BRCC3: variants seen among roughly 807,000 people sequenced by gnomAD.
The protein encoded by BRCC3 is lys-63-specific deubiquitinase BRCC36.
Under a neutral mutation model 28.0 loss-of-function variants are expected in BRCC3, and 15 were observed. That is an observed-to-expected ratio of 0.54 (90% confidence interval 0.36 to 0.82). BRCC3 has a LOEUF of 0.82. Among genes scored for constraint, BRCC3 ranks in the 40% least tolerant of loss-of-function variants. BRCC3 has a pLI of 0.01. For missense variants in BRCC3, 109 were observed against 225.9 expected (o/e 0.48, Z 3.32); for synonymous variants, 66 against 80.3 (o/e 0.82, Z 0.95).
intron 7 of BRCC3, among the ~76,000 whole-genome samples, chrX:155,114,576 A>C (rs1004958238): frequency 9.1e-6 from 1 of 109,977 alleles, no homozygotes; most frequent in Non-Finnish European, 1.9e-5. Flanking sequence ...TTATTTTTTT[A>C]ACCACAATTA....
At chrX:155,072,176 A>G (rs1018350022) in intron 1 of BRCC3, 151 bp from the exon 2 acceptor site, 2 of 486,185 alleles carry the variant, frequency 4.1e-6, no homozygotes, top group Non-Finnish European at 7.1e-6. Flanking sequence ...GGATGAGGAA[A>G]TACAGTTTAG....
At chrX:155,088,233 G>A in intron 5 of BRCC3, among the ~76,000 whole-genome samples, 1 of 112,192 alleles carries the variant, frequency 8.9e-6, no homozygotes, top group Non-Finnish European at 1.9e-5. Context: ...GCCAAAATAA[G>A]TGAATGTAAG....
chrX:155,100,660 A>G (rs1208416198), intron 7 of BRCC3, among the ~76,000 whole-genome samples: 2 of 112,021 alleles, frequency 1.8e-5, no homozygotes, highest in African/African-American at 6.5e-5. Flanking sequence ...AATTTGTTCC[A>G]TTACTGGTGA....
chrX:155,084,914 G>T (rs2074111125), intron 5 of BRCC3, among the ~76,000 whole-genome samples: 1 of 111,935 alleles, frequency 8.9e-6, no homozygotes, highest in African/African-American at 3.3e-5. Context: ...AGGTGGCAGT[G>T]GGCCGTGACT....
Position 155,099,200 on chromosome X carries a change from T to A in BRCC3, c.548+8361T>A, listed in dbSNP as rs923633204. On this transcript the variant is annotated intron_variant, in intron 7 of 10. Transcript: ENST00000330045. ...AATTAGAAATGTTTTTTTTTTTTTT[T>A]TGTGGTAAAAGAAGTCTGGAGATGG... is the stretch of plus-strand genomic sequence containing the variant. 21 of 772,761 alleles carry A rather than the reference T, an allele frequency of 2.7e-5. No individual in the cohort carries two copies. In the African/African-American group the frequency reaches 4.3e-4, roughly 16 times the overall value. The allele number at this position is 772,761 out of a possible 1,213,427, so 63.7% of individuals were successfully genotyped here. A position where few individuals can be genotyped will look rare whatever the true frequency, so the allele number is the denominator to read the frequency against.
intron 3 of BRCC3, among the ~76,000 whole-genome samples, chrX:155,076,619 C>T (rs1167608303): frequency 1.8e-5 from 2 of 110,776 alleles, no homozygotes; most frequent in African/African-American, 6.6e-5. Context: ...AGAACTCACT[C>T]TCACACTATT....
intron 5 of BRCC3, among the ~76,000 whole-genome samples, chrX:155,082,834 C>T (rs2074093934): frequency 8.9e-6 from 1 of 112,406 alleles, no homozygotes; most frequent in Non-Finnish European, 1.9e-5. Context: ...ATACAGGATC[C>T]AATCTCAGAT....
rs782073501 is a variant in BRCC3, at chrX:155,100,841, G to A, written c.548+10002G>A. The stretch of plus-strand genomic sequence containing the variant: ...TATTTGGAAAAAAACTGCATACAGG[G>A]TGAACATGTACAGACTTTTTTCTAG... On this transcript the variant is annotated intron_variant, in intron 7 of 10. Transcript: ENST00000330045. Among the ~76,000 whole-genome samples, 12 of 111,609 alleles carry A rather than the reference G, an allele frequency of 1.1e-4. No individual in the cohort carries two copies. The East Asian group carries it at 2.5e-3, about 23-fold the overall frequency.
At chrX:155,087,137 T>C (rs1274441804) in intron 5 of BRCC3, among the ~76,000 whole-genome samples, 1 of 111,707 alleles carries the variant, frequency 9.0e-6, no homozygotes, top group Non-Finnish European at 1.9e-5. Flanking sequence ...CGGGCAGCGG[T>C]GGCTGGAGTG....
intron 7 of BRCC3, among the ~76,000 whole-genome samples, chrX:155,107,345 T>G (rs1211825958): frequency 9.0e-6 from 1 of 110,824 alleles, no homozygotes; most frequent in Non-Finnish European, 1.9e-5. Flanking sequence ...AGTTCTTTAA[T>G]TTTAGCACTC....
intron 6 of BRCC3, among the ~76,000 whole-genome samples, chrX:155,090,393 T>C (rs2074166470): frequency 8.9e-6 from 1 of 112,695 alleles, no homozygotes; most frequent in Non-Finnish European, 1.9e-5. Context: ...TAAAATCAGT[T>C]TTCCAGAAAC....
chrX:155,104,253 CTG>C (rs1280154700), intron 7 of BRCC3, among the ~76,000 whole-genome samples: 2 of 111,431 alleles, frequency 1.8e-5, no homozygotes, highest in African/African-American at 3.3e-5. Context: ...GATGCAGACA[CTG>C]TGAATTTTAC....
intron 7 of BRCC3, among the ~76,000 whole-genome samples, chrX:155,101,225 AGAT>A (rs1464249902): frequency 1.8e-5 from 2 of 111,533 alleles, no homozygotes; most frequent in Non-Finnish European, 3.8e-5. Context: ...AATAATCTAG[AGAT>A]GATAAGTCAT....
At chrX:155,118,055 C>T (rs782077646) in intron 9 of BRCC3, among the ~76,000 whole-genome samples, 1 of 112,301 alleles carries the variant, frequency 8.9e-6, no homozygotes, top group African/African-American at 3.2e-5. Context: ...AAATGTCATA[C>T]CAGTTCCTTT....
chrX:155,081,025 C>A (rs2074081157), intron 5 of BRCC3, among the ~76,000 whole-genome samples: 1 of 111,488 alleles, frequency 9.0e-6, no homozygotes, highest in Admixed American at 9.5e-5. Context: ...CATTTGAGAT[C>A]CTGAGATCTC....
intron 7 of BRCC3, among the ~76,000 whole-genome samples, chrX:155,093,955 T>G (rs1214389032): frequency 1.8e-5 from 2 of 111,739 alleles, no homozygotes; most frequent in African/African-American, 6.5e-5. Context: ...CATTTGCTGG[T>G]TACTCCCATT....
intron 5 of BRCC3, among the ~76,000 whole-genome samples, chrX:155,085,028 A>G (rs1183542286): frequency 1.8e-5 from 2 of 111,961 alleles, no homozygotes; most frequent in African/African-American, 6.5e-5. Context: ...TCAGATATAT[A>G]AGAACATTTC....
intron 8 of BRCC3, 67 bp from the exon 9 acceptor site, chrX:155,116,644 G>C (rs999922203): frequency 1.3e-6 from 1 of 770,964 alleles, no homozygotes. Context: ...CAACGGTATA[G>C]TCCATGACCA....
intron 7 of BRCC3, among the ~76,000 whole-genome samples, chrX:155,102,933 T>TTG (rs782223599): frequency 1.7e-4 from 19 of 110,893 alleles, no homozygotes; most frequent in Admixed American, 3.8e-4. Flanking sequence ...CACATAGTTT[T>TTG]TGTGTGTGTG....
Sources: gnomAD v4.1 joint callset for allele counts (sites outside exome capture counted in the v4.1 genomes callset) on GRCh38, gnomAD v4.1.1 for gene constraint, MANE v1.5 for transcripts, NCBI Gene and HGNC (gene_info 2026-07-23, HGNC 2026-07-21) for gene names.